Variants in PPP1R37 observed in about 807,000 individuals in gnomAD.
The protein encoded by PPP1R37 is leucine rich repeat containing 68.
PPP1R37 carries 21 observed loss-of-function variants against 61.0 expected under a neutral mutation model. That is an observed-to-expected ratio of 0.34 (90% CI 0.24 to 0.50). The LOEUF (loss-of-function observed/expected upper bound fraction) is 0.50. PPP1R37 is among the 20% of genes least tolerant of loss of function. The pLI is 0.98. For missense variants in PPP1R37, 910 were observed against 952.7 expected (o/e 0.96, Z 0.59); for synonymous variants, 443 against 433.5 (o/e 1.02, Z -0.27).
chr19:45,137,521 C>T (rs1005759861), intron 1 of PPP1R37, among the ~76,000 whole-genome samples: 1 of 152,204 alleles, frequency 6.6e-6, no homozygotes, highest in Non-Finnish European at 1.5e-5. Context: ...GGGCTACGTC[C>T]CTTCATTCAT....
chr19:45,143,364 C>T (rs1412149050), intron 7 of PPP1R37, 157 bp from the exon 8 acceptor site: 1 of 569,214 alleles, frequency 1.8e-6, no homozygotes, highest in African/African-American at 1.9e-5. Context: ...AGATGTGTGC[C>T]CAGGGGTGCC....
At chr19:45,118,854 A>G (rs1438611743) in intron 1 of PPP1R37, among the ~76,000 whole-genome samples, 1 of 151,946 alleles carries the variant, frequency 6.6e-6, no homozygotes, top group Non-Finnish European at 1.5e-5. Context: ...GCTGGGCTTT[A>G]TAACTAATTC....
At chr19:45,143,864 C>G (rs1968647231) in intron 8 of PPP1R37, 1 of 381,742 alleles carries the variant, frequency 2.6e-6, no homozygotes, top group African/African-American at 2.1e-5. Flanking sequence ...CGAGTCTCAT[C>G]CTGTCACCCA....
chr19:45,110,926 C>T (rs1968191904), intron 1 of PPP1R37, among the ~76,000 whole-genome samples: 1 of 152,188 alleles, frequency 6.6e-6, no homozygotes, highest in Non-Finnish European at 1.5e-5. Context: ...AAATAGCCTG[C>T]CTGGTTCTGG....
intron 5 of PPP1R37, among the ~76,000 whole-genome samples, 153 bp downstream of exon 5, chr19:45,141,594 A>G (rs1041548316): frequency 1.3e-5 from 2 of 152,030 alleles, no homozygotes; most frequent in African/African-American, 4.8e-5. Flanking sequence ...CCAGGAGAAC[A>G]GGGCCGAGAG....
intron 1 of PPP1R37, among the ~76,000 whole-genome samples, chr19:45,126,610 CAA>C (rs763017387): frequency 6.6e-6 from 1 of 152,206 alleles, no homozygotes; most frequent in Non-Finnish European, 1.5e-5. Flanking sequence ...GAAAATACCA[CAA>C]TAAGTGTTTC....
In PPP1R37 at chr19:45,146,414, A is replaced by G; in HGVS notation, c.2018A>G (p.Lys673Arg). 6.5e-7 allele frequency: 1 copy of G among 1,535,868 alleles called. No homozygotes were observed. Among genetic ancestry groups the G allele is most frequent in the Non-Finnish European group, 8.7e-7 (1 of 1,146,796 alleles). Residue 673 changes from lysine (K) to arginine (R), a missense_variant, in exon 12 of 13, where the codon AAG becomes AGG. Lys to Arg is a conservative substitution (Grantham distance 26). Around this residue, in one of 3 missense-constraint regions of PPP1R37, gnomAD observed 549 missense variants for 505.1 expected, o/e 1.09. Transcript: ENST00000221462. ...EHELSCSKNE[K>R]ELEELLLEAS... Reference sequence around the variant, plus strand: ...GAACTGAGCTGCTCCAAGAACGAGAAGGAGCTCGAGGAGCTGCTTCTGGAA... The same window carrying G: ...GAACTGAGCTGCTCCAAGAACGAGAGGGAGCTCGAGGAGCTGCTTCTGGAA...
chr19:45,097,348 G>T (rs928286834), intron 1 of PPP1R37, among the ~76,000 whole-genome samples: 1 of 151,960 alleles, frequency 6.6e-6, no homozygotes, highest in Non-Finnish European at 1.5e-5. Flanking sequence ...TCAGTTATCC[G>T]GAAGCTGTTG....
At chr19:45,123,104 C>T (rs750075757) in intron 1 of PPP1R37, among the ~76,000 whole-genome samples, 2 of 152,204 alleles carry the variant, frequency 1.3e-5, no homozygotes, top group African/African-American at 2.4e-5. Context: ...TGTCCCCTCC[C>T]TCCCTCCCTC....
rs909193461 is a variant in PPP1R37, at chr19:45,145,084, GC to G, written c.1130-3del. On this transcript the variant is annotated splice_polypyrimidine_tract_variant and intron_variant, in intron 9 of 12. Coordinates refer to ENST00000221462, the MANE Select transcript of PPP1R37 (RefSeq NM_019121.2). ...GGGGCCCGTGGCCAGCCCCTGCGGT[GC>G]CCCCCCAGGCGCGGTGGCGGTGGCG... 2.2e-5 allele frequency: 33 copies of G among 1,531,250 alleles called. No homozygotes were observed. Among genetic ancestry groups the G allele is most frequent in the Admixed American group, 7.9e-5 (4 of 50,566 alleles). 94.9% of individuals were successfully genotyped at this position (1,531,250 alleles called of 1,614,324 possible).
Position 45,142,403 on chromosome 19 carries a change from G to A in PPP1R37, c.819G>A (p.Lys273=). 1 of 1,536,118 alleles carries A rather than the reference G, an allele frequency of 6.5e-7. No individual in the cohort carries two copies. The highest frequency in any genetic ancestry group is 8.7e-7 in the Non-Finnish European group (1 of 1,146,920). The change falls in exon 7 of 13, where the codon AAG becomes AAA. Residue 273 remains lysine, a synonymous_variant. Transcript: ENST00000221462. ...CGGCCCAGCTGGGTAACCTGCTCAAGTTCAACTGCTCCCTGCAGATCCTGG... is the reference window on the plus strand; with the variant it reads ...CGGCCCAGCTGGGTAACCTGCTCAAATTCAACTGCTCCCTGCAGATCCTGG... ...QDSAQLGNLL[K]FNCSLQILDL...
At chr19:45,111,964 TTTTC>T (rs1327284034) in intron 1 of PPP1R37, among the ~76,000 whole-genome samples, 1 of 152,018 alleles carries the variant, frequency 6.6e-6, no homozygotes, top group Non-Finnish European at 1.5e-5. Flanking sequence ...TTGGTTTTTC[TTTTC>T]TTTCTTTTTT....
At chr19:45,100,834 G>C (rs1405304105) in intron 1 of PPP1R37, among the ~76,000 whole-genome samples, 1 of 152,226 alleles carries the variant, frequency 6.6e-6, no homozygotes. Flanking sequence ...TGGACAGCTT[G>C]AGTCCCTGGA....
At chr19:45,116,026 C>T (rs553081308) in intron 1 of PPP1R37, among the ~76,000 whole-genome samples, 18 of 151,958 alleles carry the variant, frequency 1.2e-4, no homozygotes, top group Non-Finnish European at 2.5e-4. Flanking sequence ...GTGCTTAGCA[C>T]ACTGCTTGAC....
At chr19:45,143,675 C>CT in intron 8 of PPP1R37, 42 bp downstream of exon 8, 1 of 1,174,594 alleles carries the variant, frequency 8.5e-7, no homozygotes. Context: ...TCGGTCCCCG[C>CT]TGCCACCTCC....
rs1568452662 is a variant in PPP1R37, at chr19:45,145,812, T to TCCCCCCCC, written c.1761_1762insCCCCCCCC (p.Thr588ProfsTer53). The TCCCCCCCC allele has an allele frequency of 2.4e-6, 3 of 1,227,582 alleles. No individual in the cohort carries two copies. Among genetic ancestry groups the TCCCCCCCC allele is most frequent in the South Asian group, 3.1e-5 (2 of 64,836 alleles). The allele number at this position is 1,227,582 out of a possible 1,614,324, so 76.0% of individuals were successfully genotyped here. On this transcript the variant is annotated frameshift_variant, in exon 11 of 13. Transcript: ENST00000221462. LOFTEE classifies it high-confidence loss of function. ...GCCCGAGAGGGCAGAGCCCCCTGCG[T>TCCCCCCCC]CCCCCACCCCTCCCTCTCCCCCACC...
intron 1 of PPP1R37, among the ~76,000 whole-genome samples, chr19:45,102,339 A>G (rs556463943): frequency 1.3e-4 from 20 of 152,338 alleles, no homozygotes; most frequent in Non-Finnish European, 2.5e-4. Context: ...GTGAAATGGC[A>G]GTAACCTGAG....
intron 1 of PPP1R37, among the ~76,000 whole-genome samples, chr19:45,111,017 G>A (rs1968193380): frequency 6.6e-6 from 1 of 152,070 alleles, no homozygotes; most frequent in African/African-American, 2.4e-5. Context: ...ACCTACTGAG[G>A]ACTTGGGTGG....
intron 1 of PPP1R37, among the ~76,000 whole-genome samples, chr19:45,112,011 C>T (rs1329090160): frequency 6.6e-6 from 1 of 151,728 alleles, no homozygotes; most frequent in African/African-American, 2.4e-5. Context: ...CTCTGTCGTC[C>T]AGGCTGGAGT....
Sources: gnomAD v4.1 joint callset for allele counts (sites outside exome capture counted in the v4.1 genomes callset) on GRCh38, gnomAD v4.1.1 for gene constraint, gnomAD v4.1.1 regional missense constraint, MANE v1.5 for transcripts, NCBI Gene and HGNC (gene_info 2026-07-23, HGNC 2026-07-21) for gene names.